The following SORCS3 variants were observed in gnomAD, a reference collection of about 807,000 sequenced individuals.
SORCS3 encodes the protein sortilin related VPS10 domain containing receptor 3.
Under a neutral mutation model 146.3 loss-of-function variants are expected in SORCS3, and 57 were observed. The observed-to-expected ratio is 0.39, with a 90% CI of 0.31 to 0.49. The LOEUF (loss-of-function observed/expected upper bound fraction) is 0.49, where lower values mean the gene tolerates loss of function less well. SORCS3 is among the 20% of genes least tolerant of loss of function. The probability of loss-of-function intolerance (pLI) is 0.92; values close to 1 mark genes in which losing one functional copy is unlikely to be tolerated. For missense variants in SORCS3, 1,341 were observed against 1,575.5 expected (o/e 0.85, Z 2.52); for synonymous variants, 653 against 618.5 (o/e 1.06, Z -0.83).
At chr10:104,758,865 C>A (rs1307603691) in intron 1 of SORCS3, among the ~76,000 whole-genome samples, 1 of 152,114 alleles carries the variant, frequency 6.6e-6, no homozygotes, top group Non-Finnish European at 1.5e-5. Flanking sequence ...CTGAGTTGAC[C>A]CAGACATGAC....
chr10:105,190,555 C>T (rs559834934), intron 14 of SORCS3, among the ~76,000 whole-genome samples: 15 of 152,236 alleles, frequency 9.9e-5, no homozygotes, highest in Non-Finnish European at 1.9e-4. Context: ...CGTGCCACCA[C>T]GCCAAGCTAA....
rs2019020305 is a variant in SORCS3, at chr10:104,915,756, G to A, written c.696-77G>A. 5.7e-6 allele frequency: 7 copies of A among 1,227,264 alleles called. No individual in the cohort carries two copies. The East Asian group carries it at 9.3e-5, about 16-fold the overall frequency. 76.0% of individuals were successfully genotyped at this position (1,227,264 alleles called of 1,614,324 possible). On this transcript the variant is annotated intron_variant, in intron 2 of 26. Coordinates refer to ENST00000369701, the MANE Select transcript of SORCS3 (RefSeq NM_014978.3). ...AGAAAGGTGCTGGTCGGTCGAGGGA[G>A]AACCTGGCTTCCCTTTAGACATAGC... is the stretch of plus-strand genomic sequence containing the variant.
chr10:104,693,034 A>AGGG (rs955509959), intron 1 of SORCS3, among the ~76,000 whole-genome samples: 3 of 152,308 alleles, frequency 2.0e-5, no homozygotes, highest in Admixed American at 2.0e-4. Context: ...AGTCTACCCC[A>AGGG]GGGGCATTCC....
intron 1 of SORCS3, among the ~76,000 whole-genome samples, chr10:104,748,056 G>A (rs2016931672): frequency 6.6e-6 from 1 of 152,216 alleles, no homozygotes; most frequent in Non-Finnish European, 1.5e-5. Context: ...CATGTAGTAA[G>A]CACAATAACC....
At chr10:105,191,466 T>C (rs982643885) in intron 14 of SORCS3, among the ~76,000 whole-genome samples, 1 of 152,088 alleles carries the variant, frequency 6.6e-6, no homozygotes, top group African/African-American at 2.4e-5. Context: ...CAAGGAGAAA[T>C]GAAAGGTTTG....
intron 1 of SORCS3, among the ~76,000 whole-genome samples, chr10:104,725,434 TGAG>T (rs1339619083): frequency 6.6e-6 from 1 of 152,204 alleles, no homozygotes; most frequent in Non-Finnish European, 1.5e-5. Flanking sequence ...GGGACCCACT[TGAG>T]GAGGCAGTCT....
intron 5 of SORCS3, among the ~76,000 whole-genome samples, chr10:105,071,335 C>T (rs1173314383): frequency 6.6e-6 from 1 of 152,202 alleles, no homozygotes; most frequent in African/African-American, 2.4e-5. Context: ...GTTCTGTTTT[C>T]CTCATGAAGC....
chr10:104,875,736 A>G (rs1398510232), intron 2 of SORCS3, among the ~76,000 whole-genome samples: 1 of 152,142 alleles, frequency 6.6e-6, no homozygotes. Flanking sequence ...AGATGGTCTC[A>G]TGGGCTCAAT....
intron 4 of SORCS3, among the ~76,000 whole-genome samples, chr10:104,985,045 G>A (rs762744932): frequency 9.2e-5 from 14 of 152,116 alleles, no homozygotes; most frequent in African/African-American, 1.4e-4. Flanking sequence ...TGAGGTAACA[G>A]TGAAGTTTGC....
At chr10:104,653,577 A>T (rs1297721910) in intron 1 of SORCS3, among the ~76,000 whole-genome samples, 1 of 152,018 alleles carries the variant, frequency 6.6e-6, no homozygotes, top group Non-Finnish European at 1.5e-5. Flanking sequence ...ATGTATTTTG[A>T]CTCTCAAAAG....
chr10:105,229,846 T>G (rs117810712), intron 20 of SORCS3, among the ~76,000 whole-genome samples: 1,596 of 152,280 alleles, frequency 0.01, 9 homozygotes, highest in East Asian at 0.02. Flanking sequence ...TCAGGTGTCT[T>G]GCTGGTAGTC....
rs574820108 is a variant in SORCS3 at position 104,904,264 on chromosome 10, GA to G, written c.696-11567del. ...GGTATCTTAGAACATCTATGTACAGGAATTTCAAGATGATAATGCCCAATGT... is the reference window on the plus strand; with the variant it reads ...GGTATCTTAGAACATCTATGTACAGGATTTCAAGATGATAATGCCCAATGT... On this transcript the variant is annotated intron_variant, in intron 2 of 26. Transcript: ENST00000369701. Among the ~76,000 whole-genome samples, 15 of 152,282 alleles carry G rather than the reference GA, an allele frequency of 9.9e-5. No homozygotes were observed. In the South Asian group the frequency reaches 3.1e-3, roughly 32 times the overall value.
At chr10:105,236,832 AG>A (rs2056795463) in intron 20 of SORCS3, among the ~76,000 whole-genome samples, 2 of 152,164 alleles carry the variant, frequency 1.3e-5, no homozygotes, top group Non-Finnish European at 2.9e-5. Context: ...ATTTCTCTAA[AG>A]CAAGGATACT....
chr10:104,834,964 A>C (rs957724986), intron 1 of SORCS3, among the ~76,000 whole-genome samples: 2 of 152,154 alleles, frequency 1.3e-5, no homozygotes, highest in Non-Finnish European at 2.9e-5. Flanking sequence ...CCTTAAAAAA[A>C]AAACAGAGAA....
intron 2 of SORCS3, among the ~76,000 whole-genome samples, chr10:104,850,835 C>A (rs2018266969): frequency 6.6e-6 from 1 of 152,228 alleles, no homozygotes; most frequent in Non-Finnish European, 1.5e-5. Flanking sequence ...ATTTATGATA[C>A]CCAAAAGATA....
At chr10:104,857,529 C>T (rs1307256929) in intron 2 of SORCS3, among the ~76,000 whole-genome samples, 1 of 152,132 alleles carries the variant, frequency 6.6e-6, no homozygotes. Context: ...TATTCATCTG[C>T]CAGCCCCTGT....
chr10:105,097,077 A>T (rs1451350129), intron 6 of SORCS3, among the ~76,000 whole-genome samples: 1 of 152,162 alleles, frequency 6.6e-6, no homozygotes, highest in Non-Finnish European at 1.5e-5. Flanking sequence ...AGCACAGAGC[A>T]TGGCTTTTTC....
intron 2 of SORCS3, among the ~76,000 whole-genome samples, chr10:104,908,146 G>A (rs945551477): frequency 6.6e-6 from 1 of 152,206 alleles, no homozygotes; most frequent in Non-Finnish European, 1.5e-5. Context: ...AATCCTCAGT[G>A]TATCTCAGTG....
chr10:105,148,941 G>C (rs1352809844), intron 9 of SORCS3, among the ~76,000 whole-genome samples: 1 of 152,052 alleles, frequency 6.6e-6, no homozygotes, highest in Admixed American at 6.6e-5. Context: ...GGATCATAGG[G>C]GTAGTTTTCA....
Sources: allele counts gnomAD v4.1 joint callset (sites outside exome capture counted in the v4.1 genomes callset), GRCh38; gene constraint gnomAD v4.1.1; transcripts MANE v1.5; gene names NCBI Gene and HGNC (gene_info 2026-07-23, HGNC 2026-07-21).